Variants in FNDC3B observed in about 807,000 individuals in gnomAD.
The protein encoded by FNDC3B is fibronectin type III domain containing 3B.
FNDC3B carries 12 observed loss-of-function variants against 151.5 expected under a neutral mutation model. The ratio of observed to expected loss-of-function variants is 0.08; its 90% CI spans 0.05 to 0.13. The LOEUF is 0.13. Among genes scored for constraint, FNDC3B ranks in the 10% least tolerant of loss-of-function variants. The pLI, the probability that FNDC3B is intolerant of heterozygous loss-of-function variation, is 1.00. For synonymous variants in FNDC3B, 528 were observed against 549.0 expected, an observed-to-expected ratio of 0.96 and a Z score of 0.54; for missense variants, 1,214 against 1,505.3, an observed-to-expected ratio of 0.81 and a Z score of 3.20.
intron 3 of FNDC3B, among the ~76,000 whole-genome samples, chr3:172,207,897 A>T (rs2059902926): frequency 1.3e-5 from 2 of 152,218 alleles, no homozygotes; most frequent in Admixed American, 1.3e-4. Context: ...CAGTGAACCG[A>T]GATTGCACCA....
rs116249307 is a variant in FNDC3B, at chr3:172,289,495, A to G, written c.849+3511A>G. On this transcript the variant is annotated intron_variant, in intron 7 of 25. Coordinates refer to ENST00000415807, the MANE Select transcript of FNDC3B (RefSeq NM_022763.4). ...CACACTCCCCTTCTGATCCTCATAA[A>G]TGTTATTGCCTGAGACAGTCCACTG... 9.3e-3 allele frequency among the ~76,000 whole-genome samples: 1,409 copies of G among 152,234 alleles called. 22 individuals are homozygous for G. The highest frequency in any genetic ancestry group is 0.032 in the African/African-American group (1,319 of 41,536).
chr3:172,287,240 G>A (rs929007129), intron 7 of FNDC3B, among the ~76,000 whole-genome samples: 11 of 152,136 alleles, frequency 7.2e-5, no homozygotes, highest in Admixed American at 2.0e-4. Context: ...CCGGTCTGTG[G>A]TTTCTCTAGG....
chr3:172,192,392 A>T (rs554975027), intron 3 of FNDC3B, among the ~76,000 whole-genome samples: 1 of 151,866 alleles, frequency 6.6e-6, no homozygotes, highest in Admixed American at 6.6e-5. Context: ...TCACCGTGTT[A>T]GCCAGGATGG....
intron 3 of FNDC3B, among the ~76,000 whole-genome samples, chr3:172,188,921 A>G (rs1576779781): frequency 1.3e-5 from 2 of 152,156 alleles, no homozygotes; most frequent in African/African-American, 4.8e-5. Context: ...TTTGTACTCA[A>G]TTACATAATT....
intron 15 of FNDC3B, among the ~76,000 whole-genome samples, chr3:172,337,072 G>A (rs1733016058): frequency 6.6e-6 from 1 of 152,116 alleles, no homozygotes. Flanking sequence ...CGAGTTTTTT[G>A]TTCATATTTC....
chr3:172,150,149 C>T (rs1722147218), intron 3 of FNDC3B, among the ~76,000 whole-genome samples: 1 of 152,026 alleles, frequency 6.6e-6, no homozygotes, highest in Non-Finnish European at 1.5e-5. Flanking sequence ...GGTTGTTAAA[C>T]TTGGCTGCAT....
chr3:172,158,545 A>G (rs182724582), intron 3 of FNDC3B, among the ~76,000 whole-genome samples: 99 of 152,170 alleles, frequency 6.5e-4, no homozygotes, highest in African/African-American at 2.2e-3. Flanking sequence ...AGTTCATTAT[A>G]TATTCTAGAC....
At chr3:172,075,465 A>G (rs1465087653) in intron 1 of FNDC3B, among the ~76,000 whole-genome samples, 5 of 152,198 alleles carry the variant, frequency 3.3e-5, no homozygotes, top group Non-Finnish European at 4.4e-5. Flanking sequence ...ATGAAGATAT[A>G]GAAATATCCC....
chr3:172,098,261 T>C (rs972278406), intron 1 of FNDC3B, among the ~76,000 whole-genome samples: 2 of 152,192 alleles, frequency 1.3e-5, no homozygotes, highest in African/African-American at 4.8e-5. Context: ...TAGTTTAGTA[T>C]TGAATTGCCA....
At chr3:172,175,370 C>T (rs917528320) in intron 3 of FNDC3B, among the ~76,000 whole-genome samples, 4 of 152,008 alleles carry the variant, frequency 2.6e-5, no homozygotes, top group Admixed American at 1.3e-4. Context: ...TAGTCCTATA[C>T]GTGGTAGGTA....
chr3:172,348,239 G>A (rs1195055690), intron 21 of FNDC3B, among the ~76,000 whole-genome samples: 2 of 152,160 alleles, frequency 1.3e-5, no homozygotes, highest in Non-Finnish European at 1.5e-5. Context: ...TTAAGTCATG[G>A]ATCAAATTCG....
intron 11 of FNDC3B, among the ~76,000 whole-genome samples, chr3:172,317,624 A>G (rs1346122862): frequency 6.6e-6 from 1 of 152,214 alleles, no homozygotes; most frequent in East Asian, 1.9e-4. Context: ...CAGTTATCTC[A>G]CGGGTACGTA....
intron 3 of FNDC3B, among the ~76,000 whole-genome samples, chr3:172,138,628 G>T (rs551803811): frequency 1.1e-4 from 17 of 152,340 alleles, no homozygotes; most frequent in Admixed American, 1.1e-3. Flanking sequence ...AAATAGGTGA[G>T]TGTGATGGTG....
At chr3:172,256,291 G>A (rs1242676875) in intron 6 of FNDC3B, among the ~76,000 whole-genome samples, 1 of 152,172 alleles carries the variant, frequency 6.6e-6, no homozygotes. Flanking sequence ...CCTCTGTGAA[G>A]CCTGCCTGTC....
rs954826908 is a variant in FNDC3B at position 172,092,151 on chromosome 3, C to T, written c.-28-20301C>T. On this transcript the variant is annotated intron_variant, in intron 1 of 25. Transcript: ENST00000415807. Reference sequence around the variant, plus strand: ...ATAATATCATCTTGGAGTAGAAGAACAGCAAACCTCCTATGTCAAACAGAG... The same window carrying T: ...ATAATATCATCTTGGAGTAGAAGAATAGCAAACCTCCTATGTCAAACAGAG... Among the ~76,000 whole-genome samples, 29 of 152,090 alleles carry T rather than the reference C, an allele frequency of 1.9e-4. 1 individual carries two copies. Among genetic ancestry groups the T allele is most frequent in the African/African-American group, 7.0e-4 (29 of 41,416 alleles).
intron 6 of FNDC3B, among the ~76,000 whole-genome samples, chr3:172,264,244 G>A (rs576709424): frequency 1.9e-4 from 29 of 152,186 alleles, no homozygotes; most frequent in African/African-American, 6.3e-4. Context: ...TGATTCTCCC[G>A]CCTCGGCCTA....
intron 12 of FNDC3B, 125 bp from the exon 13 acceptor site, chr3:172,330,416 A>G: frequency 2.7e-6 from 2 of 737,446 alleles, no homozygotes; most frequent in Non-Finnish European, 4.4e-6. Context: ...CAGCATCCTT[A>G]CCTGGCTTTG....
At chr3:172,162,651 A>G (rs1037763360) in intron 3 of FNDC3B, among the ~76,000 whole-genome samples, 4 of 110,178 alleles carry the variant, frequency 3.6e-5, no homozygotes, top group African/African-American at 1.5e-4. Context: ...AACACTTGTT[A>G]TTACCTGGTT....
Position 172,330,442 on chromosome 3 carries a change from A to G in FNDC3B, c.1380-99A>G. 4 of 1,040,444 alleles carry G rather than the reference A, an allele frequency of 3.8e-6. No individual in the cohort carries two copies. The East Asian group carries it at 7.4e-5, about 19-fold the overall frequency. 64.5% of individuals were successfully genotyped at this position (1,040,444 alleles called of 1,614,324 possible). ...CCTGGCTTTGCTTACTCTACCTGCT[A>G]GGCTGAGTTGGGTAGTGTGCAGGCT... On this transcript the variant is annotated intron_variant, in intron 12 of 25. Coordinates refer to ENST00000415807, the MANE Select transcript of FNDC3B (RefSeq NM_022763.4).
Sources: allele counts gnomAD v4.1 joint callset (sites outside exome capture counted in the v4.1 genomes callset), GRCh38; gene constraint gnomAD v4.1.1; transcripts MANE v1.5; gene names NCBI Gene and HGNC (gene_info 2026-07-23, HGNC 2026-07-21).